MLLT10: variants seen among roughly 807,000 people sequenced by gnomAD.
MLLT10 encodes the protein protein AF-10.
A neutral mutation model predicts 129.1 loss-of-function variants in MLLT10; 30 were observed. The observed-to-expected ratio is 0.23, with a 90% CI of 0.17 to 0.32. The LOEUF is 0.32. Among genes scored for constraint, MLLT10 ranks in the 10% least tolerant of loss-of-function variants. The probability of loss-of-function intolerance (pLI) is 1.00; values close to 1 mark genes in which losing one functional copy is unlikely to be tolerated. For missense variants in MLLT10, 1,119 were observed against 1,268.3 expected (o/e 0.88, Z 1.79); for synonymous variants, 490 against 446.4 (o/e 1.10, Z -1.23).
chr10:21,564,111 C>CTAT (rs1413346796), intron 3 of MLLT10, among the ~76,000 whole-genome samples: 1 of 151,986 alleles, frequency 6.6e-6, no homozygotes, highest in African/African-American at 2.4e-5. Flanking sequence ...CGTGCCCGGC[C>CTAT]TATTATTATT....
At chr10:21,714,035 A>G (rs987196828) in intron 14 of MLLT10, 85 bp downstream of exon 14, 11 of 1,163,306 alleles carry the variant, frequency 9.5e-6, no homozygotes, top group Non-Finnish European at 1.3e-5. Context: ...AACAAATGAC[A>G]TAGGGCCTTC....
chr10:21,695,527 C>T (rs1410042493), intron 13 of MLLT10, among the ~76,000 whole-genome samples: 1 of 152,132 alleles, frequency 6.6e-6, no homozygotes, highest in Non-Finnish European at 1.5e-5. Flanking sequence ...GTTCTTTTCT[C>T]ACATTTAAAA....
chr10:21,586,338 A>G lies in MLLT10; in HGVS notation c.285A>G (p.Thr95=), dbSNP rs1190762744. The G allele has an allele frequency of 2.5e-6, 4 of 1,587,124 alleles. No individual in the cohort carries two copies. The highest frequency in any genetic ancestry group is 3.4e-6 in the Non-Finnish European group (4 of 1,166,744). ...CPHKDGALKR[T]DNGGWAHVVC... is the part of the protein sequence containing the mutation. ...ATAAGGATGGAGCTTTAAAAAGAACAGATAATGGGGGTAAGTGCAGAGATT... is the reference window on the plus strand; with the variant it reads ...ATAAGGATGGAGCTTTAAAAAGAACGGATAATGGGGGTAAGTGCAGAGATT... The change falls in exon 4 of 23, where the codon ACA becomes ACG. Residue 95 remains threonine (T), a synonymous_variant. Coordinates refer to ENST00000307729, the MANE Select transcript of MLLT10 (RefSeq NM_001195626.3).
intron 21 of MLLT10, among the ~76,000 whole-genome samples, chr10:21,739,460 C>CT (rs1003380811): frequency 3.9e-5 from 6 of 152,244 alleles, no homozygotes; most frequent in African/African-American, 1.4e-4. Context: ...TCCCTCCAGA[C>CT]TTTCTCATAC....
intron 8 of MLLT10, chr10:21,625,958 C>G (rs1013002611): frequency 6.1e-6 from 5 of 821,668 alleles, no homozygotes; most frequent in Non-Finnish European, 1.1e-5. Context: ...TGTTCCAATT[C>G]TAGGTTGCAC....
intron 3 of MLLT10, among the ~76,000 whole-genome samples, chr10:21,580,852 C>A (rs1425920340): frequency 2.1e-5 from 3 of 143,736 alleles, no homozygotes; most frequent in Admixed American, 7.4e-5. Context: ...CAGGTGCACA[C>A]CACCACGCCC....
intron 3 of MLLT10, among the ~76,000 whole-genome samples, chr10:21,561,634 C>A (rs1485919425): frequency 6.6e-6 from 1 of 152,172 alleles, no homozygotes; most frequent in African/African-American, 2.4e-5. Context: ...TAAGTGTCCA[C>A]CTACATTCTT....
chr10:21,633,571 A>G (rs957544505), intron 8 of MLLT10, among the ~76,000 whole-genome samples: 8 of 152,124 alleles, frequency 5.3e-5, no homozygotes, highest in Non-Finnish European at 7.4e-5. Flanking sequence ...ATGCACTTCT[A>G]GTAGTCCCAG....
At chr10:21,552,848 T>C (rs1045542100) in intron 3 of MLLT10, among the ~76,000 whole-genome samples, 1 of 152,128 alleles carries the variant, frequency 6.6e-6, no homozygotes, top group African/African-American at 2.4e-5. Flanking sequence ...TATTCTTCTC[T>C]GTTCCTCCTT....
chr10:21,662,191 C>T (rs1448603901), intron 9 of MLLT10, among the ~76,000 whole-genome samples: 1 of 151,944 alleles, frequency 6.6e-6, no homozygotes, highest in Non-Finnish European at 1.5e-5. Flanking sequence ...TCCCTTACCC[C>T]CTCCTTTTTT....
upstream of MLLT10, chr10:21,534,019 C>T (rs1477676355): frequency 1.3e-5 from 2 of 157,324 alleles, no homozygotes; most frequent in Non-Finnish European, 2.8e-5. Flanking sequence ...TCCCCGCCCC[C>T]GCGTGCGCGC....
chr10:21,714,006 T>A, intron 14 of MLLT10, 56 bp downstream of exon 14: 1 of 1,471,784 alleles, frequency 6.8e-7, no homozygotes, highest in South Asian at 1.3e-5. Flanking sequence ...ATTTTTAAAG[T>A]GAGTTTTGTT....
intron 14 of MLLT10, among the ~76,000 whole-genome samples, chr10:21,717,749 TTCC>T (rs1173240690): frequency 5.1e-4 from 39 of 75,738 alleles, no homozygotes; most frequent in African/African-American, 1.3e-3. Flanking sequence ...CCTCCTCCTC[TTCC>T]TCCTCCTCCT....
chr10:21,708,115 A>G (rs1471363771), intron 13 of MLLT10, among the ~76,000 whole-genome samples: 1 of 152,152 alleles, frequency 6.6e-6, no homozygotes, highest in Admixed American at 6.5e-5. Context: ...TGCTTGCTAC[A>G]TTATCCCAGC....
chr10:21,643,439 G>A (rs974437492), intron 8 of MLLT10, among the ~76,000 whole-genome samples: 1 of 152,018 alleles, frequency 6.6e-6, no homozygotes, highest in East Asian at 1.9e-4. Context: ...ATTTAAATTC[G>A]TTAGCTGCTC....
chr10:21,673,318 C>CAA (rs1564622986), intron 10 of MLLT10, 32 bp from the exon 11 acceptor site: 19 of 307,628 alleles, frequency 6.2e-5, no homozygotes, highest in Non-Finnish European at 7.5e-5. Flanking sequence ...CACCCCCCAA[C>CAA]TTTTTTTTTT....
intron 3 of MLLT10, among the ~76,000 whole-genome samples, chr10:21,563,791 G>GCAT (rs2039166827): frequency 6.9e-6 from 1 of 145,644 alleles, no homozygotes; most frequent in African/African-American, 2.6e-5. Context: ...CTCACTGTGT[G>GCAT]TATTATTATT....
chr10:21,567,458 T>C (rs554048469), intron 3 of MLLT10, among the ~76,000 whole-genome samples: 1 of 152,280 alleles, frequency 6.6e-6, no homozygotes, highest in South Asian at 2.1e-4. Flanking sequence ...ACCACTCCAG[T>C]AGGGACAGGG....
At chr10:21,654,951 T>C (rs968190269) in intron 9 of MLLT10, among the ~76,000 whole-genome samples, 7 of 152,142 alleles carry the variant, frequency 4.6e-5, no homozygotes, top group Non-Finnish European at 1.0e-4. Flanking sequence ...GGCAGGAGGA[T>C]TGCTTGAGCC....
Sources: gnomAD v4.1 joint callset for allele counts (sites outside exome capture counted in the v4.1 genomes callset) on GRCh38, gnomAD v4.1.1 for gene constraint, MANE v1.5 for transcripts, NCBI Gene and HGNC (gene_info 2026-07-23, HGNC 2026-07-21) for gene names.